The following PRDX3 variants were observed in gnomAD, a reference collection of about 807,000 sequenced individuals.
PRDX3 encodes thioredoxin-dependent peroxide reductase, mitochondrial.
PRDX3 carries 20 observed loss-of-function variants against 30.4 expected under a neutral mutation model. That is an observed-to-expected ratio of 0.66 (90% CI 0.46 to 0.96). The LOEUF is 0.96. Among genes scored for constraint, PRDX3 ranks in the 40% least tolerant of loss-of-function variants. The pLI, the probability that PRDX3 is intolerant of heterozygous loss-of-function variation, is 0.00. For synonymous variants in PRDX3, 124 were observed against 117.8 expected, an observed-to-expected ratio of 1.05 and a Z score of -0.34; for missense variants, 322 against 318.3, an observed-to-expected ratio of 1.01 and a Z score of -0.09.
At chr10:119,178,406 T>C (rs933563587) in intron 1 of PRDX3, among the ~76,000 whole-genome samples, 1 of 152,246 alleles carries the variant, frequency 6.6e-6, no homozygotes, top group Non-Finnish European at 1.5e-5. Flanking sequence ...GTAGGCATCA[T>C]TCTTTCCATC....
intron 2 of PRDX3, among the ~76,000 whole-genome samples, chr10:119,176,662 T>TC (rs1356372339): frequency 6.6e-6 from 1 of 151,968 alleles, no homozygotes; most frequent in African/African-American, 2.4e-5. Context: ...CCCTCTCAGG[T>TC]CCCCCACAGG....
chr10:119,176,178 C>A (rs1057468153), intron 2 of PRDX3, among the ~76,000 whole-genome samples: 1 of 152,150 alleles, frequency 6.6e-6, no homozygotes, highest in African/African-American at 2.4e-5. Context: ...CTGAAAAGGA[C>A]TTGCTTCTAC....
chr10:119,173,721 G>A lies in PRDX3; in HGVS notation c.447+16C>T, dbSNP rs553996833. ...GCAAGTTTATAAGAGCAAAAGCTAG[G>A]GGTACAATGCCATACCTTTCTTGGT... is the stretch of plus-strand genomic sequence containing the variant. On this transcript the variant is annotated intron_variant, in intron 4 of 6. Coordinates refer to ENST00000298510, the MANE Select transcript of PRDX3 (RefSeq NM_006793.5). 2 of 1,608,722 alleles carry A rather than the reference G, an allele frequency of 1.2e-6. No individual in the cohort carries two copies. Among genetic ancestry groups the A allele is most frequent in the Middle Eastern group, 2.2e-4 (1 of 4,452 alleles).
intron 1 of PRDX3, 48 bp from the exon 2 acceptor site, chr10:119,177,201 G>C (rs1386480831): frequency 6.2e-7 from 1 of 1,601,898 alleles, no homozygotes; most frequent in South Asian, 1.1e-5. Flanking sequence ...ACTGGTGACT[G>C]AAGGCTGAAA....
chr10:119,174,545 T>C lies in PRDX3; in HGVS notation c.217A>G (p.Lys73Glu). 1.2e-6 allele frequency: 2 copies of C among 1,611,466 alleles called. No individual in the cohort carries two copies. ...TCTCCATTGACAACGGCTGTACCCT[T>C]AAAATAGGGTGCATGCTGGGTGACA... ...PAVTQHAPYFKGTAVVNGEFK... is the reference protein window; with the variant it reads ...PAVTQHAPYFEGTAVVNGEFK... Residue 73 changes from lysine (K) to glutamate (E), a missense_variant, in exon 3 of 7, where the codon AAG (lysine) becomes GAG (glutamate). Physicochemically the swap from Lys to Glu is moderately conservative, Grantham distance 56. Transcript: ENST00000298510.
chr10:119,176,395 C>T (rs1337236615), intron 2 of PRDX3, among the ~76,000 whole-genome samples: 1 of 152,140 alleles, frequency 6.6e-6, no homozygotes, highest in Non-Finnish European at 1.5e-5. Flanking sequence ...CAAACAAAGG[C>T]TTTACTAAAG....
At chr10:119,172,921 ATTCT>A (rs1847942281) in intron 4 of PRDX3, among the ~76,000 whole-genome samples, 1 of 151,858 alleles carries the variant, frequency 6.6e-6, no homozygotes, top group African/African-American at 2.4e-5. Context: ...GCTTTTTCTA[ATTCT>A]TTATTATTTT....
intron 5 of PRDX3, 56 bp downstream of exon 5, chr10:119,172,326 C>G (rs1847923896): frequency 1.4e-6 from 2 of 1,403,950 alleles, no homozygotes; most frequent in East Asian, 2.3e-5. Context: ...CCCTAAGAAG[C>G]AGAATGATAC....
chr10:119,178,201 A>G (rs910923027), intron 1 of PRDX3, among the ~76,000 whole-genome samples: 3 of 152,124 alleles, frequency 2.0e-5, no homozygotes, highest in Admixed American at 1.3e-4. Context: ...ACTCAGGAGA[A>G]CGAAAGGGGC....
At chr10:119,174,876 C>A in intron 2 of PRDX3, 1 of 297,814 alleles carries the variant, frequency 3.4e-6, no homozygotes, top group Non-Finnish European at 6.2e-6. Context: ...CTAGATTACT[C>A]ATAATACCTA....
chr10:119,173,745 G>C lies in PRDX3; in HGVS notation c.439C>G (p.Pro147Ala), dbSNP rs779437367. Residue 147 changes from proline to alanine, a missense_variant, in exon 4 of 7, where the codon CCA becomes GCA. By Grantham distance (27) the Pro-to-Ala change is conservative (BLOSUM62 -1). Transcript: ENST00000298510. ...HFSHLAWINT[P>A]RKNGGLGHMN... ...GGGGTACAATGCCATACCTTTCTTG[G>C]TGTATTTATCCAGGCAAGATGGCTA... 2 of 1,611,642 alleles carry C rather than the reference G, an allele frequency of 1.2e-6. No individual in the cohort carries two copies. Among genetic ancestry groups the C allele is most frequent in the Non-Finnish European group, 1.7e-6 (2 of 1,179,814 alleles).
rs747590354 is a variant in PRDX3, at chr10:119,177,168, T to A, written c.37-15A>T. ...TGTCGGGCAACCTGGAAAGAGAAAC[T>A]TTTTATTAGAAAGTTTTCCTGGACT... On this transcript the variant is annotated splice_polypyrimidine_tract_variant and intron_variant, in intron 1 of 6. Transcript: ENST00000298510. 6.2e-7 allele frequency: 1 copy of A among 1,612,000 alleles called. No homozygotes were observed.
Position 119,169,312 on chromosome 10 carries a change from G to A in PRDX3, c.582C>T (p.Val194=), listed in dbSNP as rs1449233524. Residue 194 remains valine (V), a synonymous_variant, in exon 6 of 7, where the codon GTC becomes GTT. Transcript: ENST00000298510. ...RGLFIIDPNG[V]IKHLSVNDLP... ...GATCGTTGACGCTCAAATGCTTGAT[G>A]ACTCCATTGGGGTCAATTATGAAGA... 6.2e-7 allele frequency: 1 copy of A among 1,614,076 alleles called. No individual in the cohort carries two copies. Among genetic ancestry groups the A allele is most frequent in the Non-Finnish European group, 8.5e-7 (1 of 1,179,996 alleles).
At chr10:119,169,039 C>T in intron 6 of PRDX3, 138 bp downstream of exon 6, 1 of 913,830 alleles carries the variant, frequency 1.1e-6, no homozygotes, top group Admixed American at 2.3e-5. Context: ...CCCCCTCTAC[C>T]CCACAGCAGC....
chr10:119,174,427 A>C (rs776296949), intron 3 of PRDX3, 24 bp downstream of exon 3: 9 of 1,586,060 alleles, frequency 5.7e-6, no homozygotes, highest in Non-Finnish European at 7.7e-6. Context: ...AATGACACGA[A>C]AGCATCATAG....
intron 1 of PRDX3, 134 bp downstream of exon 1, chr10:119,178,621 G>C: frequency 8.8e-7 from 1 of 1,130,270 alleles, no homozygotes; most frequent in Non-Finnish European, 1.3e-6. Flanking sequence ...GGAGGCCTCT[G>C]GGTCCGTTAC....
At chr10:119,178,642 C>T (rs1848104825) in intron 1 of PRDX3, 113 bp downstream of exon 1, 3 of 1,338,100 alleles carry the variant, frequency 2.2e-6, no homozygotes, top group East Asian at 2.5e-5. Context: ...CCGCGGAAAC[C>T]CTCCAAGAAG....
chr10:119,172,547 C>A (rs1564837501), intron 4 of PRDX3, 62 bp from the exon 5 acceptor site: 6 of 1,370,482 alleles, frequency 4.4e-6, no homozygotes, highest in Non-Finnish European at 5.2e-6. Context: ...TGACCACGTA[C>A]CACAATGTTT....
chr10:119,176,289 A>G (rs1357560796), intron 2 of PRDX3, among the ~76,000 whole-genome samples: 1 of 152,184 alleles, frequency 6.6e-6, no homozygotes, highest in East Asian at 1.9e-4. Flanking sequence ...AAACCAGTGG[A>G]GTAAAGTTTT....
Sources: gnomAD v4.1 joint callset for allele counts (sites outside exome capture counted in the v4.1 genomes callset) on GRCh38, gnomAD v4.1.1 for gene constraint, MANE v1.5 for transcripts, NCBI Gene and HGNC (gene_info 2026-07-23, HGNC 2026-07-21) for gene names.